Variants in NRP1 observed in about 807,000 individuals in gnomAD.
The protein encoded by NRP1 is neuropilin 1.
In NRP1, 35 loss-of-function variants were observed where a neutral mutation model predicts 106.7. The observed-to-expected ratio is 0.33, with a 90% CI of 0.25 to 0.43. The LOEUF is 0.43. Among genes scored for constraint, NRP1 ranks in the 20% least tolerant of loss-of-function variants. NRP1 has a pLI of 1.00. For synonymous variants in NRP1, 437 were observed against 417.9 expected, an observed-to-expected ratio of 1.05 and a Z score of -0.56; for missense variants, 1,024 against 1,170.4, an observed-to-expected ratio of 0.87 and a Z score of 1.83.
At chr10:33,317,282 C>T (rs1364429996) in intron 2 of NRP1, among the ~76,000 whole-genome samples, 3 of 152,188 alleles carry the variant, frequency 2.0e-5, no homozygotes, top group Admixed American at 6.5e-5. Flanking sequence ...CTCTTCTCTG[C>T]CATGATCCCA....
chr10:33,245,952 G>A (rs10490939), intron 6 of NRP1, among the ~76,000 whole-genome samples: 20,006 of 152,116 alleles, frequency 0.13, 1,713 homozygotes, highest in Admixed American at 0.23. Context: ...GGTGGTTCTC[G>A]AAGAATTGTC....
intron 7 of NRP1, among the ~76,000 whole-genome samples, chr10:33,224,565 T>C (rs1839509582): frequency 6.6e-6 from 1 of 151,776 alleles, no homozygotes; most frequent in Non-Finnish European, 1.5e-5. Context: ...TTTTTTTTCT[T>C]CAACCTTTAA....
At chr10:33,297,728 C>T (rs370440837) in intron 2 of NRP1, among the ~76,000 whole-genome samples, 5 of 148,176 alleles carry the variant, frequency 3.4e-5, no homozygotes, top group African/African-American at 1.3e-4. Flanking sequence ...TTCCAAGAAA[C>T]CTACTTTTCC....
intron 6 of NRP1, among the ~76,000 whole-genome samples, chr10:33,227,776 G>A (rs1368993921): frequency 6.6e-6 from 1 of 152,150 alleles, no homozygotes; most frequent in Non-Finnish European, 1.5e-5. Context: ...TGTGATGTGA[G>A]TGGGAAGGAA....
intron 7 of NRP1, among the ~76,000 whole-genome samples, chr10:33,225,819 C>T (rs1488029177): frequency 6.6e-6 from 1 of 152,204 alleles, no homozygotes; most frequent in Admixed American, 6.5e-5. Context: ...ACCCCAAATT[C>T]CTAAGGTTCT....
At chr10:33,280,451 T>C (rs1844036764) in intron 2 of NRP1, among the ~76,000 whole-genome samples, 1 of 152,168 alleles carries the variant, frequency 6.6e-6, no homozygotes, top group Admixed American at 6.5e-5. Flanking sequence ...TGGAAGATAT[T>C]AACATCATTT....
At position 33,191,805 on chromosome 10, in the gene NRP1, C is replaced by G. The variant is rs182966479; in HGVS notation, c.2062+476G>C. Among the ~76,000 whole-genome samples the G allele has an allele frequency of 4.0e-5, 6 of 151,798 alleles. No individual in the cohort carries two copies. In the East Asian group the frequency reaches 1.2e-3, roughly 30 times the overall value. ...CAGCCCGGCCAATGTGGTGAAATCC[C>G]GTCTCTACTAAAAATACAAAAAATT... On this transcript the variant is annotated intron_variant, in intron 13 of 16. Transcript: ENST00000374867.
At position 33,204,899 on chromosome 10, in the gene NRP1, T is replaced by C. The variant is rs544190634; in HGVS notation, c.1760-1904A>G. Among the ~76,000 whole-genome samples, 14 of 152,076 alleles carry C rather than the reference T, an allele frequency of 9.2e-5. No homozygotes were observed. In the East Asian group the frequency reaches 2.5e-3, roughly 27 times the overall value. On this transcript the variant is annotated intron_variant, in intron 10 of 16. Coordinates refer to ENST00000374867, the MANE Select transcript of NRP1 (RefSeq NM_003873.7). ...GGCGCCCACCAACACACCCAGCTAA[T>C]TTTTGTATTTTTAGTAGAGACAGGA...
intron 8 of NRP1, among the ~76,000 whole-genome samples, chr10:33,219,715 A>G (rs1204583724): frequency 6.6e-6 from 1 of 152,244 alleles, no homozygotes; most frequent in Admixed American, 6.5e-5. Flanking sequence ...GGTATAAAAA[A>G]AATTGTATTC....
chr10:33,183,005 AG>A (rs1223012462), intron 15 of NRP1, among the ~76,000 whole-genome samples: 2 of 152,210 alleles, frequency 1.3e-5, no homozygotes, highest in African/African-American at 2.4e-5. Context: ...AAATCCAGGT[AG>A]CACTGCTGCT....
chr10:33,332,322 T>C (rs975598327), intron 1 of NRP1, among the ~76,000 whole-genome samples: 2 of 152,212 alleles, frequency 1.3e-5, no homozygotes, highest in African/African-American at 4.8e-5. Context: ...CTAATGATCA[T>C]GTTGGACTCT....
At chr10:33,209,375 G>A (rs1838090819) in intron 9 of NRP1, among the ~76,000 whole-genome samples, 1 of 152,224 alleles carries the variant, frequency 6.6e-6, no homozygotes, top group African/African-American at 2.4e-5. Flanking sequence ...CACAGCAAGT[G>A]GCAGGGCCAA....
intron 9 of NRP1, among the ~76,000 whole-genome samples, chr10:33,210,973 G>A (rs1838255904): frequency 6.6e-6 from 1 of 152,162 alleles, no homozygotes; most frequent in African/African-American, 2.4e-5. Flanking sequence ...CATAGATTAG[G>A]CTGTATGTAA....
At chr10:33,304,045 C>T (rs993504849) in intron 2 of NRP1, among the ~76,000 whole-genome samples, 3 of 152,182 alleles carry the variant, frequency 2.0e-5, no homozygotes, top group African/African-American at 7.2e-5. Flanking sequence ...GGGGATTCAA[C>T]CAAATCACAT....
intron 2 of NRP1, among the ~76,000 whole-genome samples, chr10:33,328,550 A>T (rs916730596): frequency 2.0e-5 from 3 of 152,202 alleles, no homozygotes; most frequent in African/African-American, 7.2e-5. Flanking sequence ...GTATGTGCAA[A>T]TAGAATTGTA....
chr10:33,223,847 A>C (rs766640618), intron 7 of NRP1, among the ~76,000 whole-genome samples: 7 of 152,188 alleles, frequency 4.6e-5, no homozygotes, highest in Non-Finnish European at 8.8e-5. Context: ...TTATGGGGGC[A>C]ATGAGTCCTT....
chr10:33,279,664 A>T (rs1463167790), intron 2 of NRP1, among the ~76,000 whole-genome samples: 2 of 152,126 alleles, frequency 1.3e-5, no homozygotes, highest in Admixed American at 6.6e-5. Flanking sequence ...ACTGGGAGAC[A>T]GTGTGTGGAT....
chr10:33,182,758 C>A lies in NRP1; in HGVS notation c.2432-10G>T. On this transcript the variant is annotated splice_polypyrimidine_tract_variant and intron_variant, in intron 15 of 16. Coordinates refer to ENST00000374867, the MANE Select transcript of NRP1 (RefSeq NM_003873.7). Reference sequence around the variant, plus strand: ...TCCAGGTCTGCTGGTTCTGACAAGTCAAACAAAATTGAAAGAGATATTTGA... The same window carrying A: ...TCCAGGTCTGCTGGTTCTGACAAGTAAAACAAAATTGAAAGAGATATTTGA... The A allele has an allele frequency of 6.2e-7, 1 of 1,609,134 alleles. No individual in the cohort carries two copies. Among genetic ancestry groups the A allele is most frequent in the South Asian group, 1.1e-5 (1 of 90,732 alleles).
chr10:33,261,677 A>C (rs1842583101), intron 4 of NRP1, among the ~76,000 whole-genome samples: 1 of 152,218 alleles, frequency 6.6e-6, no homozygotes, highest in Admixed American at 6.5e-5. Flanking sequence ...GAACATAGCT[A>C]AATTGAATCA....
Sources: allele counts gnomAD v4.1 joint callset (sites outside exome capture counted in the v4.1 genomes callset), GRCh38; gene constraint gnomAD v4.1.1; transcripts MANE v1.5; gene names NCBI Gene and HGNC (gene_info 2026-07-23, HGNC 2026-07-21).